TTC28: variants seen among roughly 807,000 people sequenced by gnomAD.
TTC28 encodes tetratricopeptide repeat protein 28.
Under a neutral mutation model 198.0 loss-of-function variants are expected in TTC28, and 61 were observed. The ratio of observed to expected loss-of-function variants is 0.31; its 90% CI spans 0.25 to 0.38. The LOEUF is 0.38. TTC28 is among the 10% of genes least tolerant of loss of function. The pLI, the probability that TTC28 is intolerant of heterozygous loss-of-function variation, is 1.00. For missense variants in TTC28, 2,678 were observed against 3,164.0 expected, an observed-to-expected ratio of 0.85 and a Z score of 3.69; for synonymous variants, 1,171 against 1,297.8, an observed-to-expected ratio of 0.90 and a Z score of 2.10.
At chr22:28,074,628 TA>T (rs1262467141) in intron 12 of TTC28, among the ~76,000 whole-genome samples, 2 of 152,236 alleles carry the variant, frequency 1.3e-5, no homozygotes, top group Non-Finnish European at 2.9e-5. Flanking sequence ...CAAGACAGCC[TA>T]GATCAGTCTG....
intron 2 of TTC28, among the ~76,000 whole-genome samples, chr22:28,469,991 A>G (rs1035715125): frequency 6.6e-6 from 1 of 152,104 alleles, no homozygotes; most frequent in Non-Finnish European, 1.5e-5. Flanking sequence ...ATGTACCACC[A>G]CATCCAGTTA....
At chr22:28,599,172 G>A (rs945723511) in intron 2 of TTC28, among the ~76,000 whole-genome samples, 7 of 152,136 alleles carry the variant, frequency 4.6e-5, no homozygotes, top group Admixed American at 3.3e-4. Flanking sequence ...GACTAGTAAG[G>A]ATTAAAGAAA....
At chr22:28,506,308 T>A (rs1054843338) in intron 2 of TTC28, among the ~76,000 whole-genome samples, 2 of 152,086 alleles carry the variant, frequency 1.3e-5, no homozygotes, top group East Asian at 3.9e-4. Flanking sequence ...CCAGACTGCT[T>A]CTTTAATTGC....
chr22:28,516,769 A>C (rs1403727112), intron 2 of TTC28, among the ~76,000 whole-genome samples: 1 of 152,192 alleles, frequency 6.6e-6, no homozygotes, highest in Non-Finnish European at 1.5e-5. Context: ...TAAAAAAAAA[A>C]CAAGAATACT....
chr22:28,109,368 T>G (rs1415784055), intron 6 of TTC28, among the ~76,000 whole-genome samples: 1 of 152,210 alleles, frequency 6.6e-6, no homozygotes, highest in African/African-American at 2.4e-5. Context: ...CATGCTCCCG[T>G]GACAATAACT....
chr22:28,377,560 C>A (rs1277051199), intron 2 of TTC28, among the ~76,000 whole-genome samples: 1 of 152,116 alleles, frequency 6.6e-6, no homozygotes, highest in Non-Finnish European at 1.5e-5. Context: ...TTGGGGAACT[C>A]CTGTTTAAGT....
intron 2 of TTC28, among the ~76,000 whole-genome samples, chr22:28,327,241 G>A (rs766200151): frequency 2.6e-5 from 4 of 151,982 alleles, no homozygotes; most frequent in Non-Finnish European, 5.9e-5. Context: ...TTCTGTATCC[G>A]TACATTCACC....
chr22:28,008,493 A>G (rs955284361), intron 14 of TTC28: 1 of 152,234 alleles, frequency 6.6e-6, no homozygotes, highest in African/African-American at 2.4e-5. Flanking sequence ...TTCTGATCAA[A>G]GTCATTTGCT....
chr22:28,628,200 A>G lies in TTC28; in HGVS notation c.381+1352T>C, dbSNP rs373176610. On this transcript the variant is annotated intron_variant, in intron 2 of 22. Coordinates refer to ENST00000397906, the MANE Select transcript of TTC28 (RefSeq NM_001145418.2). ...CATGAGCCACCATGCCCAGCCCTTC[A>G]GCATATTATTAATAAGACATTAGGA... 2.6e-5 allele frequency among the ~76,000 whole-genome samples: 4 copies of G among 152,178 alleles called. No homozygotes were observed. The East Asian group carries it at 7.7e-4, about 29-fold the overall frequency.
intron 2 of TTC28, among the ~76,000 whole-genome samples, chr22:28,518,938 T>A (rs958474739): frequency 6.6e-6 from 1 of 152,238 alleles, no homozygotes; most frequent in Non-Finnish European, 1.5e-5. Flanking sequence ...GTCAACTGTG[T>A]TGACAGGCTG....
At chr22:28,485,979 T>C (rs2048310423) in intron 2 of TTC28, among the ~76,000 whole-genome samples, 1 of 152,102 alleles carries the variant, frequency 6.6e-6, no homozygotes, top group African/African-American at 2.4e-5. Context: ...AAGGAGCTAT[T>C]GTGCTAGAAG....
At chr22:28,218,894 G>T (rs1927620567) in intron 5 of TTC28, among the ~76,000 whole-genome samples, 1 of 151,388 alleles carries the variant, frequency 6.6e-6, no homozygotes, top group African/African-American at 2.4e-5. Context: ...CCAGATTCAT[G>T]TTAAGGCTCC....
chr22:28,574,360 TGTGTGTGTGTGTGTGTTGTGTGTGA>T (rs1216063033), intron 2 of TTC28, among the ~76,000 whole-genome samples: 1 of 151,566 alleles, frequency 6.6e-6, no homozygotes, highest in East Asian at 1.9e-4. Flanking sequence ...TGTTTGTGTG[TGTGTGTGTGTGTGTGTTGTGTGTGA>T]GTGTGTGTGT....
intron 2 of TTC28, among the ~76,000 whole-genome samples, chr22:28,554,369 A>AT (rs1198571284): frequency 6.7e-6 from 1 of 148,938 alleles, no homozygotes; most frequent in African/African-American, 2.5e-5. Flanking sequence ...AGAATGATCA[A>AT]TTAAAAAAAA....
chr22:28,279,869 T>C (rs531090900), intron 5 of TTC28, among the ~76,000 whole-genome samples: 4 of 152,250 alleles, frequency 2.6e-5, no homozygotes, highest in African/African-American at 9.6e-5. Flanking sequence ...TTCTTATTAA[T>C]GGAATTATAA....
At chr22:28,526,956 C>G (rs545040408) in intron 2 of TTC28, among the ~76,000 whole-genome samples, 35 of 151,968 alleles carry the variant, frequency 2.3e-4, no homozygotes, top group Non-Finnish European at 4.7e-4. Flanking sequence ...TAGGGTTTCA[C>G]CATGTTGGTC....
intron 5 of TTC28, among the ~76,000 whole-genome samples, chr22:28,185,011 G>A (rs1024113934): frequency 2.0e-5 from 3 of 152,108 alleles, no homozygotes; most frequent in African/African-American, 7.2e-5. Flanking sequence ...AATACCTGAG[G>A]AATCGAATTG....
intron 5 of TTC28, among the ~76,000 whole-genome samples, chr22:28,260,048 C>T (rs1931215574): frequency 6.6e-6 from 1 of 152,132 alleles, no homozygotes; most frequent in South Asian, 2.1e-4. Context: ...TGATGCTGTG[C>T]TCTCTTGGAT....
chr22:28,106,183 C>G (rs1300312161), intron 7 of TTC28, among the ~76,000 whole-genome samples: 1 of 152,202 alleles, frequency 6.6e-6, no homozygotes, highest in Non-Finnish European at 1.5e-5. Context: ...AAATCTTTCA[C>G]CCTGAGCTTC....
Sources: gnomAD v4.1 joint callset for allele counts (sites outside exome capture counted in the v4.1 genomes callset) on GRCh38, gnomAD v4.1.1 for gene constraint, MANE v1.5 for transcripts, NCBI Gene and HGNC (gene_info 2026-07-23, HGNC 2026-07-21) for gene names.